CNDP2: variants seen among roughly 807,000 people sequenced by gnomAD.
CNDP2 encodes the protein carnosine dipeptidase 2.
CNDP2 carries 38 observed loss-of-function variants against 55.0 expected under a neutral mutation model. That is an observed-to-expected ratio of 0.69 (90% CI 0.53 to 0.90). The LOEUF (loss-of-function observed/expected upper bound fraction) is 0.90, where lower values mean the gene tolerates loss of function less well. Ranked by LOEUF, CNDP2 falls within the 40% of genes least tolerant of loss-of-function variation. CNDP2 has a pLI of 0.00. For synonymous variants in CNDP2, 241 were observed against 260.2 expected, an observed-to-expected ratio of 0.93 and a Z score of 0.71; for missense variants, 607 against 621.7, an observed-to-expected ratio of 0.98 and a Z score of 0.25.
chr18:74,523,280 A>G lies in CNDP2; in HGVS notation c.*3212A>G, dbSNP rs1462057309. 1 of 152,232 alleles carries G rather than the reference A, an allele frequency of 6.6e-6. No individual in the cohort carries two copies. The highest frequency in any genetic ancestry group is 2.4e-5 in the African/African-American group (1 of 41,462). 9.4% of individuals were successfully genotyped at this position (152,232 alleles called of 1,614,324 possible). A position where few individuals can be genotyped will look rare whatever the true frequency, so the allele number is the denominator to read the frequency against. On this transcript the variant is annotated 3_prime_UTR_variant, in exon 12 of 12. Coordinates refer to ENST00000324262, the MANE Select transcript of CNDP2 (RefSeq NM_018235.3). ...GGCTGGTTCTGTGAACTTGAGCCTC[A>G]GCGTCCTGTGTCAGAAGAGCACAAA...
chr18:74,519,896 C>T (rs1979949682), intron 11 of CNDP2, 103 bp from the exon 12 acceptor site: 2 of 1,039,482 alleles, frequency 1.9e-6, no homozygotes, highest in Admixed American at 4.2e-5. Context: ...GGGATGCTCC[C>T]CAGGAAGAAG....
Position 74,520,187 on chromosome 18 carries a change from A to G in CNDP2, c.*119A>G, listed in dbSNP as rs1433845328. 1.4e-5 allele frequency: 13 copies of G among 920,636 alleles called. No homozygotes were observed. Among genetic ancestry groups the G allele is most frequent in the Admixed American group, 2.1e-5 (1 of 47,924 alleles). 57.0% of individuals were successfully genotyped at this position (920,636 alleles called of 1,614,324 possible). The stretch of plus-strand genomic sequence containing the variant: ...TCCTTTCCCTCTTGTCAGGTCATCC[A>G]TGACTTTAGAGAACAGACACAAGTG... On this transcript the variant is annotated 3_prime_UTR_variant, in exon 12 of 12. Transcript: ENST00000324262.
At chr18:74,497,240 A>G (rs1978464529) in intron 1 of CNDP2, among the ~76,000 whole-genome samples, 1 of 152,222 alleles carries the variant, frequency 6.6e-6, no homozygotes, top group African/African-American at 2.4e-5. Flanking sequence ...GTTTGCAGGC[A>G]GGAGTGGAGG....
intron 4 of CNDP2, among the ~76,000 whole-genome samples, chr18:74,506,380 C>T (rs1336406925): frequency 6.6e-6 from 1 of 152,118 alleles, no homozygotes; most frequent in Non-Finnish European, 1.5e-5. Context: ...AGTGATCCCC[C>T]CCACCTCAGC....
chr18:74,497,886 T>G (rs1043610544), intron 1 of CNDP2: 2 of 152,172 alleles, frequency 1.3e-5, no homozygotes, highest in East Asian at 3.9e-4. Context: ...AGCATACTGC[T>G]TTTACCTTAA....
chr18:74,506,055 C>G (rs1249380753), intron 4 of CNDP2, 44 bp downstream of exon 4: 10 of 1,505,162 alleles, frequency 6.6e-6, no homozygotes, highest in Admixed American at 2.5e-5. Flanking sequence ...AAGGCACTGA[C>G]TTTTGGAAAG....
rs368227181 is a variant in CNDP2, at chr18:74,519,958, C to T, written c.1359-41C>T. 8.2e-6 allele frequency: 13 copies of T among 1,580,784 alleles called. No individual in the cohort carries two copies. The Admixed American group carries it at 8.4e-5, about 10-fold the overall frequency. ...GTCACCCCACACCTGGGTGTTGGCT[C>T]ACGACACCAGCCAACACAATGATGT... On this transcript the variant is annotated intron_variant, in intron 11 of 11. Transcript: ENST00000324262.
chr18:74,501,447 A>T lies in CNDP2; in HGVS notation c.179A>T (p.Glu60Val). The T allele has an allele frequency of 6.2e-7, 1 of 1,613,922 alleles. No homozygotes were observed. Among genetic ancestry groups the T allele is most frequent in the Non-Finnish European group, 8.5e-7 (1 of 1,179,924 alleles). ...ADVKQLGGSVELVDIGKQKLP... is the reference protein window; with the variant it reads ...ADVKQLGGSVVLVDIGKQKLP... The stretch of plus-strand genomic sequence containing the variant: ...GTTAAGCAGTTGGGGGGCTCTGTGG[A>T]ACTGGTGGATATCGGAAAACAAAAG... Residue 60 changes from glutamate to valine, a missense_variant, in exon 3 of 12, where the codon GAA (glutamate) becomes GTA (valine). Coordinates refer to ENST00000324262, the MANE Select transcript of CNDP2 (RefSeq NM_018235.3).
At chr18:74,518,373 A>G in intron 9 of CNDP2, 126 bp from the exon 10 acceptor site, 1 of 1,002,282 alleles carries the variant, frequency 1.0e-6, no homozygotes, top group South Asian at 1.5e-5. Context: ...TAGACCCATC[A>G]CAGACCTGTC....
chr18:74,500,010 G>C lies in CNDP2; in HGVS notation c.37G>C (p.Glu13Gln). ...CACTACCCTGTTTAAGTACATAGAT[G>C]AAAATCAGGATCGCTACATTAAGGT... The part of the protein sequence containing the change: ...ALTTLFKYID[E>Q]NQDRYIKKLA... The change falls in exon 2 of 12, where the codon GAA becomes CAA. Residue 13 changes from glutamate to glutamine, a missense_variant. Glu to Gln is a conservative substitution (Grantham distance 29, BLOSUM62 2). Coordinates refer to ENST00000324262, the MANE Select transcript of CNDP2 (RefSeq NM_018235.3). 1 of 1,614,026 alleles carries C rather than the reference G, an allele frequency of 6.2e-7. No individual in the cohort carries two copies. The highest frequency in any genetic ancestry group is 8.5e-7 in the Non-Finnish European group (1 of 1,179,950).
At position 74,513,707 on chromosome 18, in the gene CNDP2, G is replaced by A. The variant is rs776977518; in HGVS notation, c.891G>A (p.Leu297=). The A allele has an allele frequency of 4.1e-5, 66 of 1,613,664 alleles. No individual in the cohort carries two copies. In the Admixed American group the frequency reaches 8.5e-4, roughly 21 times the overall value. The stretch of plus-strand genomic sequence containing the variant: ...AGGATGTGGGGGCGCAGATCCTCCT[G>A]CACAGCCACAAGGTCTGGTTCAGGG... ...FAKDVGAQIL[L]HSHKKDILMH... Residue 297 remains leucine (L), a synonymous_variant, in exon 8 of 12, where the codon CTG becomes CTA. Coordinates refer to ENST00000324262, the MANE Select transcript of CNDP2 (RefSeq NM_018235.3).
Position 74,520,071 on chromosome 18 carries a change from C to T in CNDP2, c.*3C>T. The T allele has an allele frequency of 6.2e-7, 1 of 1,614,102 alleles. No individual in the cohort carries two copies. The highest frequency in any genetic ancestry group is 8.5e-7 in the Non-Finnish European group (1 of 1,179,952). The stretch of plus-strand genomic sequence containing the variant: ...AGGTCTCCCAGCTGAAGGACTAGGC[C>T]AAGCCCTCTGTGTGCCATCTCCAAT... On this transcript the variant is annotated 3_prime_UTR_variant, in exon 12 of 12. Transcript: ENST00000324262.
chr18:74,516,259 C>A lies in CNDP2; in HGVS notation c.935C>A (p.Pro312Gln), dbSNP rs1033113132. The A allele has an allele frequency of 6.2e-7, 1 of 1,613,758 alleles. No homozygotes were observed. The highest frequency in any genetic ancestry group is 1.7e-5 in the Admixed American group (1 of 59,964). The stretch of plus-strand genomic sequence containing the variant: ...ATCCTCATGCACCGATGGCGGTACC[C>A]GTCTCTGTCCCTCCATGGCATCGAA... ...KDILMHRWRY[P>Q]SLSLHGIEGA... Residue 312 changes from proline (P) to glutamine (Q), a missense_variant, in exon 9 of 12, where the codon CCG becomes CAG. Pro to Gln is a moderately conservative substitution (Grantham distance 76). Coordinates refer to ENST00000324262, the MANE Select transcript of CNDP2 (RefSeq NM_018235.3).
intron 7 of CNDP2, 24 bp from the exon 8 acceptor site, chr18:74,513,535 G>A (rs777498529): frequency 6.2e-7 from 1 of 1,601,322 alleles, no homozygotes; most frequent in South Asian, 1.1e-5. Context: ...CCTGAGTGCT[G>A]TAACCCTCTC....
chr18:74,513,415 C>T, intron 7 of CNDP2, 144 bp from the exon 8 acceptor site: 2 of 786,208 alleles, frequency 2.5e-6, no homozygotes, highest in Non-Finnish European at 3.9e-6. Context: ...CTTGTGGCTG[C>T]TCTTGGCCCC....
At chr18:74,501,710 A>T (rs1358159287) in intron 3 of CNDP2, among the ~76,000 whole-genome samples, 1 of 152,102 alleles carries the variant, frequency 6.6e-6, no homozygotes, top group African/African-American at 2.4e-5. Context: ...GCTGACAGTT[A>T]CTCAGGACTA....
chr18:74,499,741 G>A, intron 1 of CNDP2, 141 bp from the exon 2 acceptor site: 1 of 421,048 alleles, frequency 2.4e-6, no homozygotes, highest in Non-Finnish European at 4.2e-6. Context: ...GGGAAGTTTA[G>A]CCCCAGCCTC....
intron 1 of CNDP2, among the ~76,000 whole-genome samples, chr18:74,498,709 C>T (rs1444873521): frequency 1.3e-5 from 2 of 152,174 alleles, no homozygotes; most frequent in Admixed American, 6.5e-5. Context: ...CACTGATAAA[C>T]GCCTCTCCAG....
chr18:74,518,403 G>GC, intron 9 of CNDP2, 96 bp from the exon 10 acceptor site: 2 of 1,434,146 alleles, frequency 1.4e-6, no homozygotes, highest in Non-Finnish European at 1.9e-6. Context: ...TTGTAAGCTC[G>GC]CTGTAGACCC....
Sources: allele counts gnomAD v4.1 joint callset (sites outside exome capture counted in the v4.1 genomes callset), GRCh38; gene constraint gnomAD v4.1.1; transcripts MANE v1.5; gene names NCBI Gene and HGNC (gene_info 2026-07-23, HGNC 2026-07-21).